The following UVSSA variants were observed in gnomAD, a reference collection of about 807,000 sequenced individuals.
The protein encoded by UVSSA is UV-stimulated scaffold protein A.
A neutral mutation model predicts 73.9 loss-of-function variants in UVSSA; 72 were observed. The observed-to-expected ratio is 0.97, with a 90% CI of 0.81 to 1.19. UVSSA has a LOEUF of 1.19. UVSSA is among the 50% of genes most tolerant of loss of function. UVSSA has a pLI of 0.00. For missense variants in UVSSA, 1,150 were observed against 965.0 expected (o/e 1.19, Z -2.54); for synonymous variants, 454 against 391.3 (o/e 1.16, Z -1.89).
chr4:1,354,514 C>T lies in UVSSA; in HGVS notation c.935-221C>T, dbSNP rs1026903278. ...GACTGAGACACAGGCAGTGGAGCTG[C>T]GTGTGAGGGGAGGCTTTGGTGTTAA... On this transcript the variant is annotated intron_variant, in intron 5 of 13. Transcript: ENST00000389851. 63 of 563,908 alleles carry T rather than the reference C, an allele frequency of 1.1e-4. 2 individuals are homozygous for T. The highest frequency in any genetic ancestry group is 4.8e-4 in the Middle Eastern group (1 of 2,092). The allele number at this position is 563,908 out of a possible 1,614,324, so 34.9% of individuals were successfully genotyped here.
exon 14 of UVSSA, chr4:1,394,130 G>T: frequency 2.8e-6 from 1 of 362,174 alleles, no homozygotes; most frequent in Non-Finnish European, 5.1e-6. Context: ...CCAGCCAGAG[G>T]TGAGGGCCAG....
intron 13 of UVSSA, 111 bp from the exon 14 acceptor site, chr4:1,385,757 G>A (rs1447247034): frequency 2.5e-5 from 27 of 1,098,458 alleles, no homozygotes; most frequent in East Asian, 9.5e-5. Flanking sequence ...GTCAGTGTCC[G>A]AGGGCAGCAG....
chr4:1,371,256 C>CTGTGTGTGTGTGTGTG (rs34839757), intron 8 of UVSSA, among the ~76,000 whole-genome samples: 87 of 146,620 alleles, frequency 5.9e-4, no homozygotes, highest in South Asian at 4.9e-3. Flanking sequence ...GTGGGTGGAC[C>CTGTGTGTGTGTGTGTG]TGTGTGTGTG....
intron 1 of UVSSA, 74 bp downstream of exon 1, chr4:1,347,834 A>G (rs1049247827): frequency 7.0e-6 from 3 of 430,574 alleles, no homozygotes; most frequent in African/African-American, 4.1e-5. Flanking sequence ...CCTTTAACGC[A>G]CGACCCTCAA....
chr4:1,368,048 C>T (rs537796857), intron 8 of UVSSA, among the ~76,000 whole-genome samples: 1 of 152,258 alleles, frequency 6.6e-6, no homozygotes, highest in African/African-American at 2.4e-5. Context: ...GCCCCCGGAG[C>T]ATGGTGGAAG....
rs189883205 is a variant in UVSSA, at chr4:1,374,018, G to A, written c.1289-1346G>A. Reference sequence around the variant, plus strand: ...ACCTCTTCGCCCCAGCTGCCAGTTCGTTTTCTTCCTGTGGATTCTGCCGCA... The same window carrying A: ...ACCTCTTCGCCCCAGCTGCCAGTTCATTTTCTTCCTGTGGATTCTGCCGCA... On this transcript the variant is annotated intron_variant, in intron 8 of 13. Coordinates refer to ENST00000389851, the MANE Select transcript of UVSSA (RefSeq NM_020894.4). 8.5e-5 allele frequency among the ~76,000 whole-genome samples: 13 copies of A among 152,324 alleles called. 2 individuals carry two copies. The highest frequency in any genetic ancestry group is 3.9e-4 in the East Asian group (2 of 5,182).
upstream of UVSSA, among the ~76,000 whole-genome samples, chr4:1,345,173 C>T (rs958942291): frequency 6.6e-6 from 1 of 152,088 alleles, no homozygotes. Context: ...TGACCTGCTG[C>T]AGGGGTGGCC....
rs772839643 is a variant in UVSSA, at chr4:1,376,027, C to T, written c.1434-7C>T. ...CACCGTCAGGCTGTCCCACTCTGCT[C>T]CTGTAGCCCCTCCAGAGCGTTGCCA... On this transcript the variant is annotated splice_polypyrimidine_tract_variant and splice_region_variant and intron_variant, in intron 9 of 13. Transcript: ENST00000389851. 1 of 1,588,574 alleles carries T rather than the reference C, an allele frequency of 6.3e-7. No individual in the cohort carries two copies. The highest frequency in any genetic ancestry group is 2.3e-5 in the East Asian group (1 of 43,122).
At chr4:1,367,912 C>G (rs563593379) in intron 8 of UVSSA, among the ~76,000 whole-genome samples, 10 of 152,372 alleles carry the variant, frequency 6.6e-5, no homozygotes, top group African/African-American at 2.4e-4. Context: ...TCTGCTGATT[C>G]CCCACCTCGG....
Position 1,349,731 on chromosome 4 carries a change from C to A in UVSSA, c.306C>A (p.Pro102=), listed in dbSNP as rs779329130. 2 of 1,613,608 alleles carry A rather than the reference C, an allele frequency of 1.2e-6. No individual in the cohort carries two copies. Among genetic ancestry groups the A allele is most frequent in the South Asian group, 2.2e-5 (2 of 91,076 alleles). Residue 102 remains proline, a synonymous_variant, in exon 3 of 14, where the codon CCC becomes CCA. Coordinates refer to ENST00000389851, the MANE Select transcript of UVSSA (RefSeq NM_020894.4). Reference sequence around the variant, plus strand: ...ACCCCGCACAGCCTCTGCCGCCCCCCAGGGAGGCGGCACAGAGGCTGAGGC... The same window carrying A: ...ACCCCGCACAGCCTCTGCCGCCCCCAAGGGAGGCGGCACAGAGGCTGAGGC... ...GTDPAQPLPP[P]REAAQRLRQA...
In UVSSA at chr4:1,372,885, GCACTCACCTCCCGCGTCTCTACA is replaced by G. The variant is rs879408422; in HGVS notation, c.1289-2471_1289-2449del. ...CTGCACTCACCTCCCGCGTCTCAGG[GCACTCACCTCCCGCGTCTCTACA>G]CACTCACTGCCCATGTTTTGCTCCA... On this transcript the variant is annotated intron_variant, in intron 8 of 13. Coordinates refer to ENST00000389851, the MANE Select transcript of UVSSA (RefSeq NM_020894.4). Among the ~76,000 whole-genome samples, 232 of 126,448 alleles carry G rather than the reference GCACTCACCTCCCGCGTCTCTACA, an allele frequency of 1.8e-3. 2 individuals carry two copies. The highest frequency in any genetic ancestry group is 2.6e-3 in the Non-Finnish European group (151 of 57,042). 83.0% of individuals were successfully genotyped at this position (126,448 alleles called of 152,430 possible).
In UVSSA at chr4:1,380,027, G is replaced by T. The variant is rs374951922; in HGVS notation, c.1569-20G>T. The stretch of plus-strand genomic sequence containing the variant: ...TGGGGTCCCTGCAGATGCTATGAGG[G>T]CCTCTGGCTGTGTCTGCAGGTCTGA... On this transcript the variant is annotated intron_variant, in intron 10 of 13. Transcript: ENST00000389851. 1.3e-5 allele frequency: 21 copies of T among 1,582,678 alleles called. No homozygotes were observed. Among genetic ancestry groups the T allele is most frequent in the Non-Finnish European group, 1.7e-5 (20 of 1,163,444 alleles).
intron 10 of UVSSA, among the ~76,000 whole-genome samples, chr4:1,376,720 G>T (rs936415194): frequency 6.6e-6 from 1 of 152,210 alleles, no homozygotes; most frequent in Non-Finnish European, 1.5e-5. Flanking sequence ...AGTCCGGACC[G>T]TTGGGCCTCA....
At chr4:1,343,206 C>T (rs1443437084), upstream of UVSSA, among the ~76,000 whole-genome samples, 2 of 152,136 alleles carry the variant, frequency 1.3e-5, no homozygotes, top group Non-Finnish European at 2.9e-5. Context: ...GGTGAGGCCT[C>T]TCTTCCCGGC....
At chr4:1,344,185 T>C (rs1424629601), upstream of UVSSA, among the ~76,000 whole-genome samples, 2 of 152,226 alleles carry the variant, frequency 1.3e-5, no homozygotes, top group African/African-American at 4.8e-5. Context: ...GGTGGTTTTC[T>C]TTGTTTATCC....
intron 5 of UVSSA, 171 bp from the exon 6 acceptor site, chr4:1,354,564 A>G: frequency 1.6e-6 from 1 of 613,738 alleles, no homozygotes; most frequent in South Asian, 1.9e-5. Context: ...TTCTAAGATA[A>G]TAAAACACTT....
At chr4:1,349,936 C>G in intron 3 of UVSSA, 82 bp downstream of exon 3, 1 of 1,260,266 alleles carries the variant, frequency 7.9e-7, no homozygotes, top group Non-Finnish European at 1.1e-6. Flanking sequence ...AGATGCGCCT[C>G]CTGTTGAACC....
At chr4:1,363,938 T>G (rs1006125873) in intron 7 of UVSSA, among the ~76,000 whole-genome samples, 8 of 152,260 alleles carry the variant, frequency 5.3e-5, no homozygotes, top group Middle Eastern at 3.2e-3. Flanking sequence ...ATGATTGGTG[T>G]GGGGGCCACC....
rs746155383 is a variant in UVSSA, at chr4:1,380,097, T to C, written c.1619T>C (p.Val540Ala). 2.5e-6 allele frequency: 4 copies of C among 1,612,236 alleles called. No individual in the cohort carries two copies. The highest frequency in any genetic ancestry group is 1.3e-5 in the African/African-American group (1 of 75,026). ...AAGCCCAGCGAGGTGGAGGAGGAAG[T>C]GGTCAATGCCGACATCTCCGAGATG... ...FWKPSEVEEE[V>A]VNADISEMLR... The change falls in exon 11 of 14, where the codon GTG (valine) becomes GCG (alanine). Residue 540 changes from valine (V) to alanine (A), a missense_variant. Physicochemically the swap from Val to Ala is moderately conservative, Grantham distance 64. Coordinates refer to ENST00000389851, the MANE Select transcript of UVSSA (RefSeq NM_020894.4).
Sources: gnomAD v4.1 joint callset for allele counts (sites outside exome capture counted in the v4.1 genomes callset) on GRCh38, gnomAD v4.1.1 for gene constraint, MANE v1.5 for transcripts, NCBI Gene and HGNC (gene_info 2026-07-23, HGNC 2026-07-21) for gene names.